PTPRQ: variants seen among roughly 807,000 people sequenced by gnomAD.
The protein encoded by PTPRQ is phosphatidylinositol phosphatase PTPRQ.
In PTPRQ, 199 loss-of-function variants were observed where a neutral mutation model predicts 246.0. The ratio of observed to expected loss-of-function variants is 0.81; its 90% CI spans 0.72 to 0.91. The LOEUF is 0.91. Among genes scored for constraint, PTPRQ ranks in the 40% least tolerant of loss-of-function variants. PTPRQ has a pLI of 0.00. For missense variants in PTPRQ, 2,624 were observed against 2,528.4 expected, an observed-to-expected ratio of 1.04 and a Z score of -0.81; for synonymous variants, 869 against 853.2, an observed-to-expected ratio of 1.02 and a Z score of -0.32.
intron 24 of PTPRQ, among the ~76,000 whole-genome samples, chr12:80,548,965 T>C (rs1175947003): frequency 6.6e-6 from 1 of 152,118 alleles, no homozygotes; most frequent in East Asian, 1.9e-4. Flanking sequence ...AATGAAATCC[T>C]CAAGATTCTT....
At chr12:80,501,950 AATGTAGAAAATG>A (rs1473860320) in intron 14 of PTPRQ, among the ~76,000 whole-genome samples, 1 of 151,816 alleles carries the variant, frequency 6.6e-6, no homozygotes, top group Non-Finnish European at 1.5e-5. Flanking sequence ...GGCAAAAAAA[AATGTAGAAAATG>A]AGGAATGGCA....
chr12:80,549,545 G>A lies in PTPRQ; in HGVS notation c.4096G>A (p.Ala1366Thr). 6 of 1,551,108 alleles carry A rather than the reference G, an allele frequency of 3.9e-6. No individual in the cohort carries two copies. Among genetic ancestry groups the A allele is most frequent in the Non-Finnish European group, 5.2e-6 (6 of 1,146,548 alleles). ...VLVKWDPPKK[A>T]NGIITQYMVT... is the part of the protein sequence containing the mutation. ...AGTGAAATGGGATCCACCCAAAAAG[G>A]CAAATGGAATAATAACGCAGTATAT... is the stretch of plus-strand genomic sequence containing the variant. The change falls in exon 25 of 45, where the codon GCA (alanine) becomes ACA (threonine). Residue 1366 changes from alanine (A) to threonine (T), a missense_variant. Ala to Thr is a moderately conservative substitution (Grantham distance 58). Coordinates refer to ENST00000644991, the MANE Select transcript of PTPRQ (RefSeq NM_001145026.2).
Position 80,588,441 on chromosome 12 carries a change from C to G in PTPRQ, c.4598C>G (p.Thr1533Ser). 1 of 1,482,256 alleles carries G rather than the reference C, an allele frequency of 6.7e-7. No homozygotes were observed. Among genetic ancestry groups the G allele is most frequent in the Non-Finnish European group, 9.0e-7 (1 of 1,115,380 alleles). The allele number at this position is 1,482,256 out of a possible 1,614,324, so 91.8% of individuals were successfully genotyped here. Residue 1533 changes from threonine to serine, a missense_variant, in exon 26 of 45, where the codon ACT becomes AGT. Thr to Ser is a moderately conservative substitution (Grantham distance 58, BLOSUM62 1). Coordinates refer to ENST00000644991, the MANE Select transcript of PTPRQ (RefSeq NM_001145026.2). Reference protein sequence around the residue: ...GNASNWISTKTLPGPPDGPPE... With the variant: ...GNASNWISTKSLPGPPDGPPE... ...GCTTCAAACTGGATTTCTACAAAAA[C>G]TCTGCCTGGCCGTGAGTATTGTCCT...
At chr12:80,651,441 A>G (rs1171514480) in intron 37 of PTPRQ, among the ~76,000 whole-genome samples, 1 of 152,054 alleles carries the variant, frequency 6.6e-6, no homozygotes, top group Non-Finnish European at 1.5e-5. Flanking sequence ...ATGAGAAGGT[A>G]AAGGAAAAAA....
chr12:80,577,084 G>C (rs1000865015), intron 25 of PTPRQ, among the ~76,000 whole-genome samples: 5 of 152,130 alleles, frequency 3.3e-5, no homozygotes, highest in African/African-American at 1.2e-4. Flanking sequence ...TGTCATTTTT[G>C]ATAAATATTC....
intron 14 of PTPRQ, among the ~76,000 whole-genome samples, chr12:80,503,007 T>A (rs1894848798): frequency 6.6e-6 from 1 of 151,760 alleles, no homozygotes; most frequent in Admixed American, 6.6e-5. Flanking sequence ...TATTACCAGT[T>A]GTCTGTCTTA....
Position 80,603,279 on chromosome 12 carries a change from C to T in PTPRQ, c.4610-1780C>T, listed in dbSNP as rs542472388. 5.3e-5 allele frequency among the ~76,000 whole-genome samples: 8 copies of T among 151,804 alleles called. No homozygotes were observed. The East Asian group carries it at 1.4e-3, about 26-fold the overall frequency. On this transcript the variant is annotated intron_variant, in intron 26 of 44. Coordinates refer to ENST00000644991, the MANE Select transcript of PTPRQ (RefSeq NM_001145026.2). ...GCCTTTTGGAAAGAGCTTATCTACA[C>T]TCAGTGTTTTTCAAATAACTTAACT...
In PTPRQ at chr12:80,445,535, G is replaced by T; in HGVS notation, c.208G>T (p.Ala70Ser). The T allele has an allele frequency of 6.5e-7, 1 of 1,548,932 alleles. No homozygotes were observed. ...CCTAGCCGGGGAAAGAGTCGGATCT[G>T]CTGGGATTCTTCTGTCTTGGAATAC... ...VFLAGERVGS[A>S]GILLSWNTPP... is the part of the protein sequence containing the mutation. The change falls in exon 3 of 45, where the codon GCT (alanine) becomes TCT (serine). Residue 70 changes from alanine to serine, a missense_variant. Physicochemically the swap from Ala to Ser is moderately conservative, Grantham distance 99. Transcript: ENST00000644991.
chr12:80,482,757 C>A (rs1418946258), intron 8 of PTPRQ, among the ~76,000 whole-genome samples: 18 of 151,034 alleles, frequency 1.2e-4, no homozygotes, highest in Admixed American at 1.2e-3. Flanking sequence ...TTTATGCAGC[C>A]AAAAGACACA....
chr12:80,535,142 AG>A, intron 19 of PTPRQ, 105 bp downstream of exon 19: 1 of 1,128,328 alleles, frequency 8.9e-7, no homozygotes, highest in South Asian at 1.9e-5. Flanking sequence ...ATTGATAATT[AG>A]GCACAGATGT....
In PTPRQ at chr12:80,669,082, G is replaced by A. The variant is rs774012583; in HGVS notation, c.6268G>A (p.Val2090Met). Residue 2090 changes from valine (V) to methionine (M), a missense_variant, in exon 40 of 45, where the codon GTG becomes ATG. Physicochemically the swap from Val to Met is conservative, Grantham distance 21 (BLOSUM62 1). Coordinates refer to ENST00000644991, the MANE Select transcript of PTPRQ (RefSeq NM_001145026.2). ...PGTVGDFWRM[V>M]WETRAKTLVM... ...AACAGTTGGAGATTTTTGGAGAATG[G>A]TGTGGGAAACCAGAGCAAAAACATT... 2.8e-5 allele frequency: 44 copies of A among 1,550,492 alleles called. No homozygotes were observed. The highest frequency in any genetic ancestry group is 6.9e-5 in the African/African-American group (5 of 72,896).
At chr12:80,563,364 C>G (rs1187092766) in intron 25 of PTPRQ, among the ~76,000 whole-genome samples, 1 of 151,788 alleles carries the variant, frequency 6.6e-6, no homozygotes, top group Admixed American at 6.6e-5. Context: ...GCCCTAATCC[C>G]ACTCGTGAGG....
At chr12:80,477,881 G>A (rs923171293) in intron 8 of PTPRQ, among the ~76,000 whole-genome samples, 2 of 152,178 alleles carry the variant, frequency 1.3e-5, no homozygotes, top group East Asian at 3.9e-4. Context: ...AGGGTCCTAC[G>A]CCCACGGAGT....
At chr12:80,662,926 C>G (rs1900677104) in intron 39 of PTPRQ, among the ~76,000 whole-genome samples, 1 of 151,904 alleles carries the variant, frequency 6.6e-6, no homozygotes, top group Non-Finnish European at 1.5e-5. Context: ...GCAGAAATAG[C>G]AAACAGAATT....
At chr12:80,503,442 C>T (rs1894862451) in intron 14 of PTPRQ, among the ~76,000 whole-genome samples, 1 of 151,660 alleles carries the variant, frequency 6.6e-6, no homozygotes, top group Non-Finnish European at 1.5e-5. Flanking sequence ...GCCTTGACAC[C>T]ATAACCCAAT....
intron 17 of PTPRQ, among the ~76,000 whole-genome samples, chr12:80,527,167 TA>T (rs1895712036): frequency 2.0e-5 from 3 of 152,086 alleles, no homozygotes; most frequent in Admixed American, 6.6e-5. Flanking sequence ...CTTTCATTTA[TA>T]AAATTAATTT....
At chr12:80,566,782 C>T (rs1896992507) in intron 25 of PTPRQ, among the ~76,000 whole-genome samples, 1 of 152,126 alleles carries the variant, frequency 6.6e-6, no homozygotes, top group Admixed American at 6.5e-5. Context: ...TCAATCAATC[C>T]TCCTGCCTTG....
In PTPRQ at chr12:80,544,168, G is replaced by T. The variant is rs78932673; in HGVS notation, c.3873+1287G>T. Among the ~76,000 whole-genome samples, 936 of 152,200 alleles carry T rather than the reference G, an allele frequency of 6.1e-3. 10 individuals carry two copies. The highest frequency in any genetic ancestry group is 0.022 in the African/African-American group (906 of 41,532). ...TGCCTTTGAGACTTACTGTGCTTCA[G>T]TAGGGACATTGCTTACCTCTTAATG... is the stretch of plus-strand genomic sequence containing the variant. On this transcript the variant is annotated intron_variant, in intron 23 of 44. Coordinates refer to ENST00000644991, the MANE Select transcript of PTPRQ (RefSeq NM_001145026.2).
At chr12:80,460,571 A>C (rs74108658) in intron 5 of PTPRQ, 82 bp from the exon 6 acceptor site, 4,336 of 397,320 alleles carry the variant, frequency 0.011, 170 homozygotes, top group African/African-American at 0.082. Context: ...TAAAAGAAAA[A>C]GAAATGAATT....
Sources: gnomAD v4.1 joint callset for allele counts (sites outside exome capture counted in the v4.1 genomes callset) on GRCh38, gnomAD v4.1.1 for gene constraint, MANE v1.5 for transcripts, NCBI Gene and HGNC (gene_info 2026-07-23, HGNC 2026-07-21) for gene names.